KCNQ4: variants seen among roughly 807,000 people sequenced by gnomAD.
The protein encoded by KCNQ4 is potassium voltage-gated channel subfamily Q member 4, also known as potassium voltage-gated channel subfamily KQT member 4.
KCNQ4 carries 31 observed loss-of-function variants against 72.6 expected under a neutral mutation model. The observed-to-expected ratio is 0.43, with a 90% CI of 0.32 to 0.58. The LOEUF (loss-of-function observed/expected upper bound fraction) is 0.58. Among genes scored for constraint, KCNQ4 ranks in the 20% least tolerant of loss-of-function variants. The probability of loss-of-function intolerance (pLI) is 0.08; values close to 1 mark genes in which losing one functional copy is unlikely to be tolerated. For missense variants in KCNQ4, 869 were observed against 962.6 expected (o/e 0.90, Z 1.29); for synonymous variants, 405 against 403.7 (o/e 1.00, Z -0.04).
At chr1:40,827,055 C>T (rs374909433) in intron 9 of KCNQ4, among the ~76,000 whole-genome samples, 7 of 152,216 alleles carry the variant, frequency 4.6e-5, no homozygotes, top group African/African-American at 1.4e-4. Context: ...TTTTGCCAGG[C>T]CTTGGGCTTA....
chr1:40,784,395 AC>A lies in KCNQ4; in HGVS notation c.304del (p.His102ThrfsTer37), dbSNP rs1557977864. ...CGGCCCCGCGGCTGGGCCTTCGTCTACCACGTCTTCATGTGAGTTTGCGACC... is the reference window on the plus strand; with the variant it reads ...CGGCCCCGCGGCTGGGCCTTCGTCTACACGTCTTCATGTGAGTTTGCGACC... ...LERPRGWAFVYHVFIFLLVFS... is the reference protein window; with the variant it reads ...LERPRGWAFVXHVFIFLLVFS... On this transcript the variant is annotated frameshift_variant, in exon 1 of 14. Coordinates refer to ENST00000347132, the MANE Select transcript of KCNQ4 (RefSeq NM_004700.4). LOFTEE classifies it high-confidence loss of function. The surrounding 1 kb of genome is among the most constrained non-coding windows in gnomAD (Gnocchi z 4.1). 1.2e-6 allele frequency: 2 copies of A among 1,608,450 alleles called. No individual in the cohort carries two copies. The highest frequency in any genetic ancestry group is 1.7e-6 in the Non-Finnish European group (2 of 1,178,806).
rs370772065 is a variant in KCNQ4, at chr1:40,819,476, C to T, written c.834+4C>T. The stretch of plus-strand genomic sequence containing the variant: ...CGACTCGCTCTGGTGGGGGACGGTG[C>T]GTGAGGGTCTTTGTAGGGCTGCCCT... On this transcript the variant is annotated splice_donor_region_variant and intron_variant, in intron 5 of 13. Coordinates refer to ENST00000347132, the MANE Select transcript of KCNQ4 (RefSeq NM_004700.4). 4 of 1,613,754 alleles carry T rather than the reference C, an allele frequency of 2.5e-6. No individual in the cohort carries two copies. Among genetic ancestry groups the T allele is most frequent in the Non-Finnish European group, 3.4e-6 (4 of 1,179,862 alleles).
At chr1:40,795,747 C>G (rs1031700833) in intron 1 of KCNQ4, among the ~76,000 whole-genome samples, 7 of 151,906 alleles carry the variant, frequency 4.6e-5, no homozygotes, top group African/African-American at 1.5e-4. Flanking sequence ...CAATTCCTGT[C>G]CTCAGGCTCC....
At chr1:40,820,106 A>G in intron 6 of KCNQ4, 59 bp from the exon 7 acceptor site, 1 of 1,535,188 alleles carries the variant, frequency 6.5e-7, no homozygotes, top group South Asian at 1.1e-5. Context: ...ACACCCTTGC[A>G]GCCTCTTACT....
chr1:40,829,091 C>T (rs991696922), intron 9 of KCNQ4, among the ~76,000 whole-genome samples: 38 of 152,278 alleles, frequency 2.5e-4, no homozygotes, highest in African/African-American at 9.2e-4. Context: ...AGGTTGCCCT[C>T]TTCTCCAGAA....
chr1:40,787,329 A>G (rs1439148403), intron 1 of KCNQ4, among the ~76,000 whole-genome samples: 1 of 152,206 alleles, frequency 6.6e-6, no homozygotes, highest in Non-Finnish European at 1.5e-5. Context: ...TGATTGCACC[A>G]CTGCATTCCA....
At chr1:40,831,808 T>C (rs1648658657) in intron 10 of KCNQ4, among the ~76,000 whole-genome samples, 1 of 152,230 alleles carries the variant, frequency 6.6e-6, no homozygotes, top group Non-Finnish European at 1.5e-5. Flanking sequence ...TGATGAGCCC[T>C]GACTATGCAC....
intron 1 of KCNQ4, among the ~76,000 whole-genome samples, chr1:40,816,047 CT>C (rs11361256): frequency 0.41 from 62,139 of 151,878 alleles, 12,872 homozygotes; most frequent in Middle Eastern, 0.45. Flanking sequence ...CTCCGTAGAG[CT>C]TTGTAGCATT....
intron 1 of KCNQ4, among the ~76,000 whole-genome samples, chr1:40,801,126 A>G: frequency 1.1e-5 from 1 of 92,436 alleles, no homozygotes; most frequent in Non-Finnish European, 2.2e-5. Flanking sequence ...AGTGGACTGG[A>G]GGTGGGGATA....
intron 7 of KCNQ4, among the ~76,000 whole-genome samples, chr1:40,821,485 G>T (rs1356828960): frequency 6.5e-5 from 8 of 123,948 alleles, no homozygotes; most frequent in Non-Finnish European, 1.4e-4. Context: ...CCTACGTGGA[G>T]GGAGAGGGAC....
intron 1 of KCNQ4, among the ~76,000 whole-genome samples, chr1:40,802,500 G>T (rs925789307): frequency 2.6e-5 from 4 of 152,006 alleles, no homozygotes; most frequent in Non-Finnish European, 4.4e-5. Context: ...CCCCTCCCAG[G>T]GACGCAAGAG....
chr1:40,801,931 G>A (rs1647586782), intron 1 of KCNQ4, among the ~76,000 whole-genome samples: 2 of 152,134 alleles, frequency 1.3e-5, no homozygotes, highest in African/African-American at 4.8e-5. Context: ...GATTTGGGGA[G>A]GTCCTGAGGA....
intron 1 of KCNQ4, among the ~76,000 whole-genome samples, chr1:40,798,786 C>G (rs967224638): frequency 6.6e-6 from 1 of 152,250 alleles, no homozygotes; most frequent in Non-Finnish European, 1.5e-5. Context: ...CCACACCAAC[C>G]CCTGTGCCCC....
Position 40,792,020 on chromosome 1 carries a change from C to T in KCNQ4, c.314+7613C>T, listed in dbSNP as rs528649746. ...GGGAGATGCCTGTTCCCTTTGAGCCCAACTTTGGCGGGGTGTGGGTCGGGG... is the reference window on the plus strand; with the variant it reads ...GGGAGATGCCTGTTCCCTTTGAGCCTAACTTTGGCGGGGTGTGGGTCGGGG... On this transcript the variant is annotated intron_variant, in intron 1 of 13. Transcript: ENST00000347132. Among the ~76,000 whole-genome samples, 3 of 150,240 alleles carry T rather than the reference C, an allele frequency of 2.0e-5. No homozygotes were observed. In the South Asian group the frequency reaches 6.3e-4, roughly 32 times the overall value.
chr1:40,824,373 T>G (rs887502192), intron 9 of KCNQ4, 115 bp downstream of exon 9: 2 of 1,172,662 alleles, frequency 1.7e-6, no homozygotes, highest in African/African-American at 1.5e-5. Context: ...CTGGGCCTGT[T>G]TGGGGGACTC....
At position 40,831,305 on chromosome 1, in the gene KCNQ4, G is replaced by T; in HGVS notation, c.1513+1G>T. On this transcript the variant is annotated splice_donor_variant, in intron 10 of 13. Coordinates refer to ENST00000347132, the MANE Select transcript of KCNQ4 (RefSeq NM_004700.4). LOFTEE classifies it high-confidence loss of function. ...CTCAAACCCCGCACCTCTGCTGAGGGTAAGCCCCCGGGGGGCTGAGTCCGA... is the reference window on the plus strand; with the variant it reads ...CTCAAACCCCGCACCTCTGCTGAGGTTAAGCCCCCGGGGGGCTGAGTCCGA... The T allele has an allele frequency of 6.3e-7, 1 of 1,589,040 alleles. No homozygotes were observed. Among genetic ancestry groups the T allele is most frequent in the Non-Finnish European group, 8.6e-7 (1 of 1,167,696 alleles).
chr1:40,797,701 C>T (rs1166661669), intron 1 of KCNQ4, among the ~76,000 whole-genome samples: 1 of 152,162 alleles, frequency 6.6e-6, no homozygotes, highest in Non-Finnish European at 1.5e-5. Flanking sequence ...TTTACCTTCC[C>T]CCCAGGGTCC....
chr1:40,820,914 G>T (rs185552359), intron 7 of KCNQ4, among the ~76,000 whole-genome samples: 38 of 152,312 alleles, frequency 2.5e-4, no homozygotes, highest in Non-Finnish European at 5.1e-4. Context: ...CTAGTCAGGG[G>T]TGTGTGTAAG....
In KCNQ4 at chr1:40,822,406, G is replaced by C. The variant is rs1420341515; in HGVS notation, c.1130+4G>C. 6.4e-7 allele frequency: 1 copy of C among 1,570,574 alleles called. No homozygotes were observed. Among genetic ancestry groups the C allele is most frequent in the Admixed American group, 1.7e-5 (1 of 59,760 alleles). On this transcript the variant is annotated splice_donor_region_variant and intron_variant, in intron 8 of 13. Transcript: ENST00000347132. ...ACAGTATCCTCCCATCCTTCAGGTA[G>C]GTCCTGCTGGGGGTGGGGGTGGGTG...
Sources: allele counts gnomAD v4.1 joint callset (sites outside exome capture counted in the v4.1 genomes callset), GRCh38; gene constraint gnomAD v4.1.1; non-coding constraint Gnocchi (gnomAD v3.1); transcripts MANE v1.5; gene names NCBI Gene and HGNC (gene_info 2026-07-23, HGNC 2026-07-21).